The following RAB30 variants were observed in gnomAD, a reference collection of about 807,000 sequenced individuals.
The protein encoded by RAB30 is ras-related protein Rab-30.
RAB30 carries 9 observed loss-of-function variants against 25.1 expected under a neutral mutation model. The ratio of observed to expected loss-of-function variants is 0.36; its 90% confidence interval spans 0.22 to 0.63. The LOEUF is 0.63. Ranked by LOEUF, RAB30 falls within the 20% of genes least tolerant of loss-of-function variation. The pLI, the probability that RAB30 is intolerant of heterozygous loss-of-function variation, is 0.69. For missense variants in RAB30, 140 were observed against 243.5 expected, an observed-to-expected ratio of 0.58 and a Z score of 2.83; for synonymous variants, 77 against 86.4, an observed-to-expected ratio of 0.89 and a Z score of 0.60.
At chr11:83,055,129 C>A in intron 1 of RAB30, among the ~76,000 whole-genome samples, 1 of 152,210 alleles carries the variant, frequency 6.6e-6, no homozygotes, top group East Asian at 1.9e-4. Context: ...GTCACAATTT[C>A]TGCATCTGCA....
rs139487331 is a variant in RAB30, at chr11:83,060,776, G to C, written c.-9+10915C>G. Among the ~76,000 whole-genome samples the C allele has an allele frequency of 7.5e-3, 1,138 of 152,190 alleles. 47 individuals carry two copies. Among genetic ancestry groups the C allele is most frequent in the Admixed American group, 0.068 (1,046 of 15,284 alleles). On this transcript the variant is annotated intron_variant, in intron 1 of 4. Coordinates refer to ENST00000527633, the MANE Select transcript of RAB30 (RefSeq NM_001286060.2). ...GAAACCTAGTAAAGCATTATTTGGG[G>C]GTGTGTCTGCAAGACTGTTTCCAGA...
intron 1 of RAB30, among the ~76,000 whole-genome samples, chr11:83,012,568 G>T (rs139378334): frequency 1.3e-5 from 2 of 152,028 alleles, no homozygotes; most frequent in African/African-American, 4.8e-5. Context: ...TTATTTTTAA[G>T]AACAAATTCA....
At chr11:83,008,350 A>T (rs1282637761) in intron 1 of RAB30, among the ~76,000 whole-genome samples, 1 of 152,174 alleles carries the variant, frequency 6.6e-6, no homozygotes, top group African/African-American at 2.4e-5. Flanking sequence ...CAGGAGAAAA[A>T]GTGAGAGGGA....
intron 1 of RAB30, among the ~76,000 whole-genome samples, chr11:83,064,350 C>A (rs1182824583): frequency 6.6e-6 from 1 of 152,204 alleles, no homozygotes; most frequent in Admixed American, 6.5e-5. Flanking sequence ...TCAAGCAATT[C>A]ACCTGTCTCA....
At position 82,978,797 on chromosome 11, in the gene RAB30, A is replaced by T. The variant is rs370608515; in HGVS notation, c.*3368T>A. 31 of 152,346 alleles carry T rather than the reference A, an allele frequency of 2.0e-4. No individual in the cohort carries two copies. The highest frequency in any genetic ancestry group is 3.4e-3 in the Middle Eastern group (1 of 294). 9.4% of individuals were successfully genotyped at this position (152,346 alleles called of 1,614,324 possible). A position where few individuals can be genotyped will look rare whatever the true frequency, so the allele number is the denominator to read the frequency against. On this transcript the variant is annotated 3_prime_UTR_variant, in exon 5 of 5. Coordinates refer to ENST00000527633, the MANE Select transcript of RAB30 (RefSeq NM_001286060.2). ...TTGCTAAATCTGGCGTCTCTGGCCAAATCTAAACGGCTTAAATAATCCTCA... is the reference window on the plus strand; with the variant it reads ...TTGCTAAATCTGGCGTCTCTGGCCATATCTAAACGGCTTAAATAATCCTCA...
In RAB30 at chr11:82,978,661, T is replaced by C. The variant is rs1856587630; in HGVS notation, c.*3504A>G. 2 of 152,172 alleles carry C rather than the reference T, an allele frequency of 1.3e-5. No individual in the cohort carries two copies. Among genetic ancestry groups the C allele is most frequent in the African/African-American group, 2.4e-5 (1 of 41,432 alleles). 9.4% of individuals were successfully genotyped at this position (152,172 alleles called of 1,614,324 possible). On this transcript the variant is annotated 3_prime_UTR_variant, in exon 5 of 5. Transcript: ENST00000527633. ...CTTGGTGTGGGATCTGGTGGAATTA[T>C]GGGCTAGCTTAAAGGGTAATGTGGC...
chr11:83,006,479 T>G (rs1188734407), intron 1 of RAB30, among the ~76,000 whole-genome samples: 2 of 152,190 alleles, frequency 1.3e-5, no homozygotes, highest in Admixed American at 1.3e-4. Flanking sequence ...ATTCTATATC[T>G]GTATAGGCAC....
chr11:83,043,228 A>AAGCCTGTTCT (rs1386607930), intron 1 of RAB30, among the ~76,000 whole-genome samples: 1 of 152,182 alleles, frequency 6.6e-6, no homozygotes, highest in East Asian at 1.9e-4. Context: ...CCATGGAAAC[A>AAGCCTGTTCT]AGCCTGTTCT....
At chr11:83,071,649 A>G (rs1435151500) in intron 1 of RAB30, 42 bp downstream of exon 1, 5 of 154,134 alleles carry the variant, frequency 3.2e-5, no homozygotes, top group Non-Finnish European at 7.2e-5. Flanking sequence ...AAGCGGGAGG[A>G]ATAACTTGGT....
At chr11:83,031,830 A>ATATTC (rs1857868927) in intron 1 of RAB30, among the ~76,000 whole-genome samples, 1 of 152,190 alleles carries the variant, frequency 6.6e-6, no homozygotes, top group Non-Finnish European at 1.5e-5. Flanking sequence ...CCTGGCCTGC[A>ATATTC]TATTCTCTTT....
At chr11:83,047,511 T>C (rs1858258009) in intron 1 of RAB30, among the ~76,000 whole-genome samples, 1 of 152,150 alleles carries the variant, frequency 6.6e-6, no homozygotes, top group African/African-American at 2.4e-5. Flanking sequence ...AAATACACGA[T>C]ACCAAAACAA....
chr11:82,992,474 T>A (rs1407650811), intron 3 of RAB30: 2 of 439,060 alleles, frequency 4.6e-6, no homozygotes, highest in African/African-American at 2.0e-5. Flanking sequence ...TTCTCTGTGA[T>A]GGCAAGTATC....
intron 1 of RAB30, among the ~76,000 whole-genome samples, chr11:83,054,369 T>C (rs1225265451): frequency 6.6e-6 from 1 of 152,248 alleles, no homozygotes; most frequent in Non-Finnish European, 1.5e-5. Flanking sequence ...TGATTGCTAC[T>C]ACCCATGAGC....
At chr11:82,997,017 T>C (rs56935160) in intron 2 of RAB30, among the ~76,000 whole-genome samples, 2,449 of 152,274 alleles carry the variant, frequency 0.016, 64 homozygotes, top group East Asian at 0.095. Flanking sequence ...TGGTGGAGAC[T>C]CCCAGGGCCA....
intron 1 of RAB30, among the ~76,000 whole-genome samples, chr11:83,070,531 G>A (rs992676728): frequency 7.2e-5 from 11 of 152,198 alleles, no homozygotes; most frequent in African/African-American, 2.2e-4. Context: ...TTCCAAGAGG[G>A]GGTGTGGTTG....
intron 1 of RAB30, chr11:83,039,015 C>T (rs1858047843): frequency 6.6e-6 from 1 of 151,938 alleles, no homozygotes; most frequent in African/African-American, 2.4e-5. Context: ...AGTAACTTAT[C>T]CAAGAGTCAT....
intron 1 of RAB30, among the ~76,000 whole-genome samples, chr11:83,037,496 C>T (rs1438142378): frequency 6.6e-6 from 1 of 152,110 alleles, no homozygotes; most frequent in Admixed American, 6.5e-5. Context: ...GTGATCCACT[C>T]ACCTCGGCCT....
chr11:83,008,437 G>A (rs1857233428), intron 1 of RAB30, among the ~76,000 whole-genome samples: 1 of 152,214 alleles, frequency 6.6e-6, no homozygotes, highest in Non-Finnish European at 1.5e-5. Flanking sequence ...GACAGGTCCT[G>A]TGTCAAGCAA....
At chr11:83,010,198 C>A (rs1325272483) in intron 1 of RAB30, among the ~76,000 whole-genome samples, 1 of 152,194 alleles carries the variant, frequency 6.6e-6, no homozygotes, top group East Asian at 1.9e-4. Context: ...TGCCTGTTAT[C>A]CCAGTGCTTT....
Sources: gnomAD v4.1 joint callset for allele counts (sites outside exome capture counted in the v4.1 genomes callset) on GRCh38, gnomAD v4.1.1 for gene constraint, MANE v1.5 for transcripts, NCBI Gene and HGNC (gene_info 2026-07-23, HGNC 2026-07-21) for gene names.